HDAC2: variants seen among roughly 807,000 people sequenced by gnomAD.
HDAC2 encodes histone deacetylase 2.
HDAC2 carries 5 observed loss-of-function variants against 68.5 expected under a neutral mutation model. The ratio of observed to expected loss-of-function variants is 0.07; its 90% confidence interval spans 0.04 to 0.15. HDAC2 has a LOEUF of 0.15. Among genes scored for constraint, HDAC2 ranks in the 10% least tolerant of loss-of-function variants. The probability of loss-of-function intolerance (pLI) is 1.00; values close to 1 mark genes in which losing one functional copy is unlikely to be tolerated. For missense variants in HDAC2, 291 were observed against 600.8 expected, an observed-to-expected ratio of 0.48 and a Z score of 5.39; for synonymous variants, 182 against 191.3, an observed-to-expected ratio of 0.95 and a Z score of 0.40.
At chr6:113,966,040 A>C (rs1347746613) in intron 1 of HDAC2, among the ~76,000 whole-genome samples, 1 of 152,212 alleles carries the variant, frequency 6.6e-6, no homozygotes, top group Non-Finnish European at 1.5e-5. Flanking sequence ...AAAGGAAAAA[A>C]GAAAAATAAA....
rs766266910 is a variant in HDAC2, at chr6:113,944,339, T to C, written c.1163A>G (p.Asp388Gly). ...PGVQMQAIPE[D>G]AVHEDSGDED... ...ATCTCCACTGTCTTCATGAACAGCA[T>C]CTTCTGGAATAGCTTGCATCTGGAC... is the stretch of plus-strand genomic sequence containing the variant. Residue 388 changes from aspartate to glycine, a missense_variant, in exon 11 of 14, where the codon GAT (aspartate) becomes GGT (glycine). By Grantham distance (94) the Asp-to-Gly change is moderately conservative. This residue lies in a region of HDAC2 where 137 missense variants were observed against 128.7 expected (regional missense o/e 1.06). Transcript: ENST00000519065. 6.2e-7 allele frequency: 1 copy of C among 1,612,856 alleles called. No homozygotes were observed.
chr6:113,962,008 G>A (rs1017695406), intron 1 of HDAC2, among the ~76,000 whole-genome samples: 4 of 151,484 alleles, frequency 2.6e-5, no homozygotes, highest in African/African-American at 9.7e-5. Context: ...GTTATTTGAT[G>A]CACACTGAAA....
chr6:113,946,347 A>G (rs1395076088), intron 8 of HDAC2, 199 bp from the exon 9 acceptor site: 2 of 406,640 alleles, frequency 4.9e-6, no homozygotes, highest in Non-Finnish European at 8.7e-6. Flanking sequence ...ATATTAAAAA[A>G]TTAAGATATA....
intron 1 of HDAC2, among the ~76,000 whole-genome samples, chr6:113,967,216 C>T (rs1300331928): frequency 6.6e-6 from 1 of 152,108 alleles, no homozygotes; most frequent in Non-Finnish European, 1.5e-5. Context: ...GCAACCTGCA[C>T]CTCCTGGGTT....
intron 1 of HDAC2, chr6:113,969,811 A>G (rs1339660189): frequency 6.6e-6 from 1 of 152,242 alleles, no homozygotes; most frequent in Non-Finnish European, 1.5e-5. Context: ...TAGAATATTT[A>G]GTACTTCTGC....
At chr6:113,944,510 G>T in intron 10 of HDAC2, 100 bp from the exon 11 acceptor site, 1 of 972,930 alleles carries the variant, frequency 1.0e-6, no homozygotes, top group Non-Finnish European at 1.6e-6. Flanking sequence ...CTTTGGTCTA[G>T]CTAAACCTAT....
At chr6:113,953,980 T>C in intron 5 of HDAC2, among the ~76,000 whole-genome samples, 1 of 152,254 alleles carries the variant, frequency 6.6e-6, no homozygotes, top group East Asian at 1.9e-4. Flanking sequence ...GCTCAATTGT[T>C]TATTACCTAT....
At chr6:113,950,559 A>AT (rs202015818) in intron 6 of HDAC2, among the ~76,000 whole-genome samples, 5 of 151,132 alleles carry the variant, frequency 3.3e-5, no homozygotes, top group East Asian at 2.0e-4. Flanking sequence ...CACCCAGCTA[A>AT]TTTTTTTTGC....
intron 11 of HDAC2, 95 bp from the exon 12 acceptor site, chr6:113,943,601 C>T (rs1776195580): frequency 4.7e-6 from 4 of 847,770 alleles, no homozygotes; most frequent in Middle Eastern, 2.3e-4. Flanking sequence ...CAGTTAGTTA[C>T]CACATTTAAA....
Position 113,944,417 on chromosome 6 carries a change from T to C in HDAC2, c.1092-7A>G. Reference sequence around the variant, plus strand: ...ATTTTCAAACAAACGCTGTCTAAATTACACATGCAAAGTTTATTAGACAAA... The same window carrying C: ...ATTTTCAAACAAACGCTGTCTAAATCACACATGCAAAGTTTATTAGACAAA... On this transcript the variant is annotated splice_region_variant and splice_polypyrimidine_tract_variant and intron_variant, in intron 10 of 13. Coordinates refer to ENST00000519065, the MANE Select transcript of HDAC2 (RefSeq NM_001527.4). 1 of 1,610,486 alleles carries C rather than the reference T, an allele frequency of 6.2e-7. No homozygotes were observed. The highest frequency in any genetic ancestry group is 8.5e-7 in the Non-Finnish European group (1 of 1,177,858).
At chr6:113,963,406 A>T (rs1446515086) in intron 1 of HDAC2, among the ~76,000 whole-genome samples, 1 of 152,176 alleles carries the variant, frequency 6.6e-6, no homozygotes, top group Non-Finnish European at 1.5e-5. Flanking sequence ...AAGTATAAAA[A>T]GGCTAAGAAG....
Position 113,937,836 on chromosome 6 carries a change from A to C in HDAC2, c.*3222T>G, listed in dbSNP as rs1776038800. On this transcript the variant is annotated 3_prime_UTR_variant, in exon 14 of 14. Coordinates refer to ENST00000519065, the MANE Select transcript of HDAC2 (RefSeq NM_001527.4). ...TACCACACTCCATCCTGGGTGACCGAGATCCTTTCTCTAAAAAAAAGAGAT... is the reference window on the plus strand; with the variant it reads ...TACCACACTCCATCCTGGGTGACCGCGATCCTTTCTCTAAAAAAAAGAGAT... 1 of 152,208 alleles carries C rather than the reference A, an allele frequency of 6.6e-6. No homozygotes were observed. Among genetic ancestry groups the C allele is most frequent in the Admixed American group, 6.5e-5 (1 of 15,280 alleles). The allele number at this position is 152,208 out of a possible 1,614,324, so 9.4% of individuals were successfully genotyped here.
At chr6:113,964,889 C>T (rs1776775378) in intron 1 of HDAC2, among the ~76,000 whole-genome samples, 1 of 152,220 alleles carries the variant, frequency 6.6e-6, no homozygotes, top group African/African-American at 2.4e-5. Flanking sequence ...ATCCTTCATT[C>T]TCTAACACCA....
chr6:113,955,919 T>C, intron 5 of HDAC2, 94 bp downstream of exon 5: 1 of 853,474 alleles, frequency 1.2e-6, no homozygotes, highest in Non-Finnish European at 1.7e-6. Context: ...AACCTATGGT[T>C]TACCTAATAT....
At chr6:113,965,489 C>T (rs1776790578) in intron 1 of HDAC2, among the ~76,000 whole-genome samples, 1 of 152,126 alleles carries the variant, frequency 6.6e-6, no homozygotes, top group Non-Finnish European at 1.5e-5. Flanking sequence ...CTGCCTCAGC[C>T]TCCCAAGTAG....
chr6:113,942,041 A>G (rs1776147599), intron 12 of HDAC2, among the ~76,000 whole-genome samples: 1 of 151,968 alleles, frequency 6.6e-6, no homozygotes, highest in Non-Finnish European at 1.5e-5. Context: ...GTAGTATTTC[A>G]TTTTTCAGTA....
In HDAC2 at chr6:113,938,711, C is replaced by CT. The variant is rs1339775726; in HGVS notation, c.*2346dup. 1 of 152,038 alleles carries CT rather than the reference C, an allele frequency of 6.6e-6. No homozygotes were observed. Among genetic ancestry groups the CT allele is most frequent in the Non-Finnish European group, 1.5e-5 (1 of 68,012 alleles). The allele number at this position is 152,038 out of a possible 1,614,324, so 9.4% of individuals were successfully genotyped here. A position where few individuals can be genotyped will look rare whatever the true frequency, so the allele number is the denominator to read the frequency against. ...TGACATCTTACTATGTTACATTGAC[C>CT]TTACTAGACACAAGAACCATAGCTT... On this transcript the variant is annotated 3_prime_UTR_variant, in exon 14 of 14. Coordinates refer to ENST00000519065, the MANE Select transcript of HDAC2 (RefSeq NM_001527.4).
In HDAC2 at chr6:113,940,687, A is replaced by T. The variant is rs1342988016; in HGVS notation, c.*371T>A. ...TCATTAGCCACTGAAACAAGACTTC[A>T]TATTGTAGTAATAAACAGACAAAAG... On this transcript the variant is annotated 3_prime_UTR_variant, in exon 14 of 14. Transcript: ENST00000519065. 1 of 182,582 alleles carries T rather than the reference A, an allele frequency of 5.5e-6. No homozygotes were observed. Among genetic ancestry groups the T allele is most frequent in the African/African-American group, 2.4e-5 (1 of 42,080 alleles). 11.3% of individuals were successfully genotyped at this position (182,582 alleles called of 1,614,324 possible).
intron 1 of HDAC2, among the ~76,000 whole-genome samples, chr6:113,965,648 G>A (rs922857088): frequency 5.9e-5 from 9 of 152,136 alleles, no homozygotes; most frequent in Non-Finnish European, 1.3e-4. Flanking sequence ...TGGGATTATA[G>A]GCGTGAGCCA....
Sources: allele counts gnomAD v4.1 joint callset (sites outside exome capture counted in the v4.1 genomes callset), GRCh38; gene constraint gnomAD v4.1.1; regional missense constraint gnomAD v4.1.1; transcripts MANE v1.5; gene names NCBI Gene and HGNC (gene_info 2026-07-23, HGNC 2026-07-21).